The following MYCT1 variants were observed in gnomAD, a reference collection of about 807,000 sequenced individuals.
MYCT1 encodes the protein MYC target 1, also known as myc target protein 1.
In MYCT1, 12 loss-of-function variants were observed where a neutral mutation model predicts 15.0. The observed-to-expected ratio is 0.80, with a 90% CI of 0.51 to 1.29. The LOEUF (loss-of-function observed/expected upper bound fraction) is 1.29. Ranked by LOEUF, MYCT1 falls within the 50% of genes most tolerant of loss-of-function variation. MYCT1 has a pLI of 0.00. For missense variants in MYCT1, 287 were observed against 279.1 expected (o/e 1.03, Z -0.20); for synonymous variants, 104 against 102.7 (o/e 1.01, Z -0.07).
At position 152,722,046 on chromosome 6, in the gene MYCT1, C is replaced by A. The variant is rs1489342929; in HGVS notation, c.501C>A (p.Phe167Leu). 6.2e-7 allele frequency: 1 copy of A among 1,614,136 alleles called. No individual in the cohort carries two copies. The highest frequency in any genetic ancestry group is 1.1e-5 in the South Asian group (1 of 91,080). Residue 167 changes from phenylalanine (F) to leucine (L), a missense_variant, in exon 2 of 2, where the codon TTC becomes TTA. Physicochemically the swap from Phe to Leu is conservative, Grantham distance 22 (BLOSUM62 0). Coordinates refer to ENST00000367245, the MANE Select transcript of MYCT1 (RefSeq NM_025107.3). ...PRKSSFRAST[F>L]HPFLQCPPLP... ...AATCAAGTTTCAGAGCTTCTACTTT[C>A]CATCCCTTTCTGCAATGTCCACCAC...
rs1189766725 is a variant in MYCT1 at position 152,723,388 on chromosome 6, A to G, written c.*1135A>G. 6.6e-6 allele frequency: 1 copy of G among 152,166 alleles called. No homozygotes were observed. The highest frequency in any genetic ancestry group is 1.5e-5 in the Non-Finnish European group (1 of 68,026). 9.4% of individuals were successfully genotyped at this position (152,166 alleles called of 1,614,324 possible). The stretch of plus-strand genomic sequence containing the variant: ...AAGCTCACGTTTTTCTTAAGGGAAA[A>G]ATTTTCTTTCTTAAACTTACATCTA... On this transcript the variant is annotated 3_prime_UTR_variant, in exon 2 of 2. Coordinates refer to ENST00000367245, the MANE Select transcript of MYCT1 (RefSeq NM_025107.3).
chr6:152,701,238 C>T (rs1322321326), intron 1 of MYCT1, among the ~76,000 whole-genome samples: 1 of 152,120 alleles, frequency 6.6e-6, no homozygotes, highest in Non-Finnish European at 1.5e-5. Flanking sequence ...CAGAAGCGTT[C>T]GCTGACCATA....
At chr6:152,734,861 C>G in the MYCT1 span, among the ~76,000 whole-genome samples, 1 of 152,208 alleles carries the variant, frequency 6.6e-6, no homozygotes, top group Middle Eastern at 3.4e-3. Context: ...AGTTCACTGG[C>G]AATTTAATGT....
the MYCT1 span, among the ~76,000 whole-genome samples, chr6:152,742,163 A>G: frequency 2.0e-5 from 3 of 152,282 alleles, no homozygotes; most frequent in Admixed American, 1.3e-4. Context: ...TAGTGATCCA[A>G]CATGCTCAGT....
intron 1 of MYCT1, among the ~76,000 whole-genome samples, chr6:152,702,413 T>A (rs1024468874): frequency 2.0e-5 from 3 of 152,204 alleles, no homozygotes; most frequent in African/African-American, 4.8e-5. Flanking sequence ...AATTATTTAG[T>A]AATTTAAATG....
chr6:152,699,705 TA>T (rs1182345084), intron 1 of MYCT1, among the ~76,000 whole-genome samples: 1 of 152,138 alleles, frequency 6.6e-6, no homozygotes, highest in Non-Finnish European at 1.5e-5. Context: ...GAAGTCAATC[TA>T]TTTTTTTCAA....
chr6:152,715,806 G>A (rs2099723547), intron 1 of MYCT1, among the ~76,000 whole-genome samples: 1 of 152,150 alleles, frequency 6.6e-6, no homozygotes, highest in Non-Finnish European at 1.5e-5. Flanking sequence ...TCAGGAGCCA[G>A]CCCATCTGAT....
intron 1 of MYCT1, among the ~76,000 whole-genome samples, chr6:152,716,472 T>A (rs1303790302): frequency 1.3e-5 from 2 of 152,184 alleles, no homozygotes; most frequent in African/African-American, 4.8e-5. Flanking sequence ...GATAAATCAC[T>A]TTCAGAGTTG....
intron 1 of MYCT1, among the ~76,000 whole-genome samples, chr6:152,699,588 G>A (rs9479374): frequency 0.49 from 73,930 of 151,802 alleles, 18,516 homozygotes; most frequent in East Asian, 0.79. Context: ...AGTGCTAAAT[G>A]CACACTGAAA....
chr6:152,746,219 T>C, the MYCT1 span, among the ~76,000 whole-genome samples: 1 of 152,246 alleles, frequency 6.6e-6, no homozygotes, highest in African/African-American at 2.4e-5. Context: ...GTGATTGAGT[T>C]GAAGGCTGGT....
intron 1 of MYCT1, among the ~76,000 whole-genome samples, chr6:152,702,487 A>G (rs918791745): frequency 2.6e-5 from 4 of 152,238 alleles, no homozygotes; most frequent in African/African-American, 9.6e-5. Flanking sequence ...CTCTAAGGTA[A>G]TTGATGAGAT....
intron 1 of MYCT1, among the ~76,000 whole-genome samples, chr6:152,701,704 TTCTC>T (rs1262615559): frequency 6.6e-6 from 1 of 152,238 alleles, no homozygotes; most frequent in East Asian, 1.9e-4. Flanking sequence ...ACATTGCCCT[TTCTC>T]TGATTTTCAC....
downstream of MYCT1, among the ~76,000 whole-genome samples, chr6:152,727,901 C>T (rs992008997): frequency 5.9e-5 from 9 of 152,032 alleles, no homozygotes; most frequent in South Asian, 1.0e-3. Flanking sequence ...TGGTGGCTCA[C>T]GCCTGTAATC....
chr6:152,732,894 C>A, the MYCT1 span, among the ~76,000 whole-genome samples: 57 of 152,264 alleles, frequency 3.7e-4, no homozygotes, highest in African/African-American at 1.2e-3. Flanking sequence ...TTGTGCAGAA[C>A]CTTAAGGTGA....
the MYCT1 span, among the ~76,000 whole-genome samples, chr6:152,734,990 A>G: frequency 1.3e-5 from 2 of 152,258 alleles, no homozygotes; most frequent in African/African-American, 4.8e-5. Context: ...TCCCTAATCT[A>G]CAGATGATTT....
At position 152,708,473 on chromosome 6, in the gene MYCT1, C is replaced by A. The variant is rs776567658; in HGVS notation, c.196+10375C>A. Among the ~76,000 whole-genome samples, 4 of 152,012 alleles carry A rather than the reference C, an allele frequency of 2.6e-5. No homozygotes were observed. In the East Asian group the frequency reaches 5.8e-4, roughly 22 times the overall value. On this transcript the variant is annotated intron_variant, in intron 1 of 1. Transcript: ENST00000367245. ...GTGGGAGGGTCATTTGAGCCCAAAA[C>A]TTTGAGACCAGCCTGGATGATATAG...
chr6:152,718,691 G>C (rs1192587416), intron 1 of MYCT1, among the ~76,000 whole-genome samples: 1 of 151,936 alleles, frequency 6.6e-6, no homozygotes, highest in Non-Finnish European at 1.5e-5. Context: ...AAGATGAGAG[G>C]CTCAAAGGGC....
chr6:152,745,534 T>G, the MYCT1 span, among the ~76,000 whole-genome samples: 2 of 152,160 alleles, frequency 1.3e-5, no homozygotes, highest in African/African-American at 4.8e-5. Context: ...ATTCTATCAT[T>G]TCAGATTTTC....
the MYCT1 span, among the ~76,000 whole-genome samples, chr6:152,732,955 T>C: frequency 1.1e-3 from 172 of 152,354 alleles, 1 homozygote; most frequent in African/African-American, 3.9e-3. Context: ...GGCATACACA[T>C]GGCCCTTCAC....
Sources: allele counts gnomAD v4.1 joint callset (sites outside exome capture counted in the v4.1 genomes callset), GRCh38; gene constraint gnomAD v4.1.1; transcripts MANE v1.5; gene names NCBI Gene and HGNC (gene_info 2026-07-23, HGNC 2026-07-21).